Variants in AK5 observed in about 807,000 individuals in gnomAD.
The protein encoded by AK5 is adenylate kinase isoenzyme 5.
AK5 carries 27 observed loss-of-function variants against 69.5 expected under a neutral mutation model. The ratio of observed to expected loss-of-function variants is 0.39; its 90% CI spans 0.29 to 0.54. The LOEUF (loss-of-function observed/expected upper bound fraction) is 0.54, where lower values mean the gene tolerates loss of function less well. AK5 is among the 20% of genes least tolerant of loss of function. The pLI is 0.71. For synonymous variants in AK5, 260 were observed against 244.4 expected (o/e 1.06, Z -0.60); for missense variants, 531 against 700.4 (o/e 0.76, Z 2.73).
chr1:77,381,404 T>C (rs1410294076), intron 6 of AK5, among the ~76,000 whole-genome samples: 2 of 152,198 alleles, frequency 1.3e-5, no homozygotes, highest in Non-Finnish European at 2.9e-5. Context: ...CCCAATGGGC[T>C]AAGACAGCCC....
chr1:77,369,113 A>C (rs1647072731), intron 6 of AK5, among the ~76,000 whole-genome samples: 1 of 152,158 alleles, frequency 6.6e-6, no homozygotes, highest in Non-Finnish European at 1.5e-5. Context: ...GTAAAAAATA[A>C]AATTATATTT....
chr1:77,335,753 G>C (rs537085500), intron 5 of AK5, among the ~76,000 whole-genome samples: 1 of 152,082 alleles, frequency 6.6e-6, no homozygotes, highest in Non-Finnish European at 1.5e-5. Flanking sequence ...GGTGATCTTG[G>C]CTATTTTGTA....
At chr1:77,413,917 G>C (rs1438892134) in intron 7 of AK5, among the ~76,000 whole-genome samples, 2 of 152,124 alleles carry the variant, frequency 1.3e-5, no homozygotes, top group South Asian at 2.1e-4. Context: ...CCCTCAAAGA[G>C]TTCTAGTCCC....
At chr1:77,311,007 A>T (rs1463492310) in intron 5 of AK5, among the ~76,000 whole-genome samples, 2 of 152,116 alleles carry the variant, frequency 1.3e-5, no homozygotes, top group African/African-American at 4.8e-5. Context: ...TTTTCTAACC[A>T]ATTCTTAACG....
intron 8 of AK5, among the ~76,000 whole-genome samples, chr1:77,440,207 A>G (rs1182022765): frequency 6.6e-6 from 1 of 152,078 alleles, no homozygotes; most frequent in African/African-American, 2.4e-5. Context: ...TCTGGGAAAG[A>G]CTTTATTTCT....
chr1:77,451,352 CA>C (rs1413647090), intron 8 of AK5, among the ~76,000 whole-genome samples: 4 of 152,028 alleles, frequency 2.6e-5, no homozygotes, highest in African/African-American at 9.7e-5. Context: ...TAGAATTTCC[CA>C]TGTCATCAAA....
chr1:77,476,135 T>G (rs1448527783), intron 8 of AK5, among the ~76,000 whole-genome samples: 1 of 152,166 alleles, frequency 6.6e-6, no homozygotes, highest in African/African-American at 2.4e-5. Context: ...CTACCACATT[T>G]TTTTCAACTC....
chr1:77,384,341 A>G (rs888654572), intron 6 of AK5, among the ~76,000 whole-genome samples: 2 of 152,236 alleles, frequency 1.3e-5, no homozygotes, highest in East Asian at 1.9e-4. Flanking sequence ...TTTAAGTGCA[A>G]TATTTCTAGA....
chr1:77,296,082 G>A (rs1658986106), intron 3 of AK5, among the ~76,000 whole-genome samples: 1 of 152,170 alleles, frequency 6.6e-6, no homozygotes, highest in South Asian at 2.1e-4. Flanking sequence ...TAGGTTGTCT[G>A]AGAGAATTGG....
intron 13 of AK5, among the ~76,000 whole-genome samples, chr1:77,556,058 T>C (rs540653955): frequency 6.6e-6 from 1 of 152,224 alleles, no homozygotes; most frequent in Admixed American, 6.5e-5. Flanking sequence ...AGTATATTTA[T>C]GAGAGGGGAA....
At chr1:77,373,030 T>C (rs1041446017) in intron 6 of AK5, among the ~76,000 whole-genome samples, 1 of 152,212 alleles carries the variant, frequency 6.6e-6, no homozygotes, top group Admixed American at 6.5e-5. Context: ...TTTCTTTATG[T>C]CCACACTTTT....
At chr1:77,517,243 A>C (rs1267474231) in intron 10 of AK5, among the ~76,000 whole-genome samples, 3 of 152,178 alleles carry the variant, frequency 2.0e-5, no homozygotes, top group African/African-American at 7.2e-5. Flanking sequence ...CAGGCACATC[A>C]TCCTGCTAGC....
At chr1:77,396,179 G>C (rs757522555) in intron 6 of AK5, among the ~76,000 whole-genome samples, 6 of 152,174 alleles carry the variant, frequency 3.9e-5, no homozygotes, top group Non-Finnish European at 8.8e-5. Context: ...ATAGAGTTGA[G>C]TCAGCTAAAT....
chr1:77,394,813 A>T (rs1423863811), intron 6 of AK5, among the ~76,000 whole-genome samples: 1 of 152,200 alleles, frequency 6.6e-6, no homozygotes, highest in Non-Finnish European at 1.5e-5. Flanking sequence ...CAACAAATGT[A>T]TGTACTCAAT....
intron 5 of AK5, among the ~76,000 whole-genome samples, chr1:77,335,150 C>A (rs5018314): frequency 0.32 from 48,037 of 151,976 alleles, 7,754 homozygotes; most frequent in Middle Eastern, 0.36. Flanking sequence ...AAAATGAGCT[C>A]ACTTTGCAGT....
At chr1:77,548,139 C>T (rs984215749) in intron 13 of AK5, among the ~76,000 whole-genome samples, 2 of 152,178 alleles carry the variant, frequency 1.3e-5, no homozygotes, top group African/African-American at 4.8e-5. Context: ...AGTGGACAGA[C>T]TGCACGTACT....
At chr1:77,558,036 T>TTAAG (rs1318306232) in intron 13 of AK5, among the ~76,000 whole-genome samples, 2 of 145,572 alleles carry the variant, frequency 1.4e-5, no homozygotes, top group Non-Finnish European at 3.0e-5. Flanking sequence ...TAATATATAT[T>TTAAG]TAAGTTTAGT....
In AK5 at chr1:77,286,991, C is replaced by G; in HGVS notation, c.111C>G (p.Tyr37Ter). Residue 37 changes from tyrosine to a stop codon, truncating the protein, a stop_gained, in exon 2 of 14, where the codon TAC becomes TAG. Transcript: ENST00000354567. LOFTEE classifies it high-confidence loss of function. ...CTAAGCCCGAAGATCCAGTAGAATACTTGGAAAGTTGTTTACAAAAAGTAA... is the reference window on the plus strand; with the variant it reads ...CTAAGCCCGAAGATCCAGTAGAATAGTTGGAAAGTTGTTTACAAAAAGTAA... ...MCSKPEDPVE[Y>*]LESCLQKVKE... 1.2e-6 allele frequency: 2 copies of G among 1,604,712 alleles called. No individual in the cohort carries two copies. The highest frequency in any genetic ancestry group is 1.7e-6 in the Non-Finnish European group (2 of 1,174,848).
intron 6 of AK5, among the ~76,000 whole-genome samples, chr1:77,409,215 A>G (rs1649868962): frequency 1.3e-5 from 2 of 152,188 alleles, no homozygotes; most frequent in Admixed American, 1.3e-4. Flanking sequence ...ATAATGCTGC[A>G]ATGAAGATTC....
Sources: allele counts gnomAD v4.1 joint callset (sites outside exome capture counted in the v4.1 genomes callset), GRCh38; gene constraint gnomAD v4.1.1; transcripts MANE v1.5; gene names NCBI Gene and HGNC (gene_info 2026-07-23, HGNC 2026-07-21).